The following UBR1 variants were observed in gnomAD, a reference collection of about 807,000 sequenced individuals.
UBR1 encodes E3 ubiquitin-protein ligase UBR1.
Under a neutral mutation model 242.1 loss-of-function variants are expected in UBR1, and 102 were observed. That is an observed-to-expected ratio of 0.42 (90% CI 0.36 to 0.50). The LOEUF (loss-of-function observed/expected upper bound fraction) is 0.50, where lower values mean the gene tolerates loss of function less well. Ranked by LOEUF, UBR1 falls within the 20% of genes least tolerant of loss-of-function variation. The pLI, the probability that UBR1 is intolerant of heterozygous loss-of-function variation, is 0.01. For missense variants in UBR1, 1,772 were observed against 2,101.8 expected, an observed-to-expected ratio of 0.84 and a Z score of 3.07; for synonymous variants, 675 against 684.8, an observed-to-expected ratio of 0.99 and a Z score of 0.22.
chr15:43,080,595 C>T (rs2033964280), intron 3 of UBR1, among the ~76,000 whole-genome samples: 1 of 152,174 alleles, frequency 6.6e-6, no homozygotes, highest in Non-Finnish European at 1.5e-5. Flanking sequence ...CACAGTTTTT[C>T]CATTCACCTA....
intron 20 of UBR1, among the ~76,000 whole-genome samples, chr15:43,030,568 G>A (rs769616048): frequency 1.1e-4 from 17 of 152,178 alleles, no homozygotes; most frequent in Non-Finnish European, 2.1e-4. Context: ...TGTGCTAAAT[G>A]ACAAAACAGT....
Position 43,036,318 on chromosome 15 carries a change from T to C in UBR1, c.2089-39A>G, listed in dbSNP as rs766179282. On this transcript the variant is annotated intron_variant, in intron 18 of 46. Transcript: ENST00000290650. The stretch of plus-strand genomic sequence containing the variant: ...CCAGCATCATATTTCTTCTGTATTA[T>C]ATGGAGAAACATTTTGTCTCATGTA... 14 of 1,558,970 alleles carry C rather than the reference T, an allele frequency of 9.0e-6. No individual in the cohort carries two copies. In the Admixed American group the frequency reaches 1.0e-4, roughly 11 times the overall value.
Position 43,015,681 on chromosome 15 carries a change from ATT to A in UBR1, c.3209+5_3209+6del. 2 of 1,612,426 alleles carry A rather than the reference ATT, an allele frequency of 1.2e-6. No homozygotes were observed. Among genetic ancestry groups the A allele is most frequent in the Non-Finnish European group, 1.7e-6 (2 of 1,179,790 alleles). On this transcript the variant is annotated splice_donor_5th_base_variant and intron_variant, in intron 29 of 46. Coordinates refer to ENST00000290650, the MANE Select transcript of UBR1 (RefSeq NM_174916.3). ...GAGTTGGTAATTTTTGGTTTGCTTT[ATT>A]TTACCTCTCTTCCTCCATAATGGAA...
intron 5 of UBR1, among the ~76,000 whole-genome samples, chr15:43,069,626 T>A (rs1596129013): frequency 6.6e-6 from 1 of 152,310 alleles, no homozygotes; most frequent in East Asian, 1.9e-4. Context: ...TACGCTCAAT[T>A]GATCCTCAAA....
At chr15:43,038,339 T>C in intron 15 of UBR1, 107 bp from the exon 16 acceptor site, 1 of 1,096,034 alleles carries the variant, frequency 9.1e-7, no homozygotes, top group African/African-American at 1.5e-5. Flanking sequence ...CTGGGCGCGG[T>C]GGCTCATGCC....
At chr15:43,081,731 T>C (rs35900502) in intron 3 of UBR1, among the ~76,000 whole-genome samples, 18,784 of 152,142 alleles carry the variant, frequency 0.12, 1,320 homozygotes, top group South Asian at 0.24. Context: ...TTAAGATGTA[T>C]GTTTGGCAAA....
intron 29 of UBR1, among the ~76,000 whole-genome samples, chr15:43,013,096 G>A (rs571224304): frequency 6.6e-6 from 1 of 152,226 alleles, no homozygotes; most frequent in East Asian, 1.9e-4. Flanking sequence ...AGTAGAGACG[G>A]GGTTTTGCCT....
intron 19 of UBR1, among the ~76,000 whole-genome samples, chr15:43,033,182 T>C (rs2033280133): frequency 6.6e-6 from 1 of 151,908 alleles, no homozygotes. Context: ...TGCTCCTGGC[T>C]ATCCCAGAGT....
At chr15:43,088,070 T>A (rs746046739) in intron 1 of UBR1, among the ~76,000 whole-genome samples, 1 of 152,264 alleles carries the variant, frequency 6.6e-6, no homozygotes, top group Non-Finnish European at 1.5e-5. Flanking sequence ...GCGTTCACTG[T>A]GTTAACTTTT....
rs119477054 is a variant in UBR1 at position 43,082,648 on chromosome 15, T to C, written c.407A>G (p.His136Arg). 6.2e-7 allele frequency: 1 copy of C among 1,613,666 alleles called. No homozygotes were observed. Among genetic ancestry groups the C allele is most frequent in the Non-Finnish European group, 8.5e-7 (1 of 1,179,686 alleles). The change falls in exon 3 of 47, where the codon CAT becomes CGT. Residue 136 changes from histidine (H) to arginine (R), a missense_variant. Coordinates refer to ENST00000290650, the MANE Select transcript of UBR1 (RefSeq NM_174916.3). ...DCFQDSVHKN[H>R]RYKMHTSTGG... ...GTTATATTTTCTTACCTTGTAACGA[T>C]GATTTTTATGAACACTGTCCTGGAA...
chr15:43,037,899 T>C lies in UBR1; in HGVS notation c.1912-16A>G. 1 of 1,601,080 alleles carries C rather than the reference T, an allele frequency of 6.2e-7. No homozygotes were observed. The highest frequency in any genetic ancestry group is 8.6e-7 in the Non-Finnish European group (1 of 1,169,496). ...GAAAGTCCTCCTGAAATAGAGTGAG[T>C]TCAATTTTATCATTTCTCACAGAGC... is the stretch of plus-strand genomic sequence containing the variant. On this transcript the variant is annotated splice_polypyrimidine_tract_variant and intron_variant, in intron 16 of 46. Transcript: ENST00000290650.
chr15:43,033,515 GCGCCTGTAATCCCAGCA>G (rs1341155411), intron 19 of UBR1, among the ~76,000 whole-genome samples: 1 of 152,094 alleles, frequency 6.6e-6, no homozygotes, highest in Admixed American at 6.5e-5. Context: ...ATGGTGGCAT[GCGCCTGTAATCCCAGCA>G]CGCCTGTAAT....
chr15:42,990,796 C>A (rs1419237770), intron 33 of UBR1, among the ~76,000 whole-genome samples: 1 of 152,110 alleles, frequency 6.6e-6, no homozygotes, highest in Non-Finnish European at 1.5e-5. Flanking sequence ...AGTAAATGAT[C>A]TGAAGCCAAG....
chr15:43,035,453 T>C (rs920753719), intron 19 of UBR1, among the ~76,000 whole-genome samples: 4 of 152,044 alleles, frequency 2.6e-5, no homozygotes, highest in Non-Finnish European at 4.4e-5. Flanking sequence ...TCATGTCCTT[T>C]GCCCACTTTT....
chr15:43,043,609 C>A (rs1043277052), intron 14 of UBR1, among the ~76,000 whole-genome samples: 1 of 152,048 alleles, frequency 6.6e-6, no homozygotes, highest in Non-Finnish European at 1.5e-5. Flanking sequence ...TGCCACCATG[C>A]CCAGTTTTTG....
chr15:42,946,181 G>A (rs545469007), intron 46 of UBR1, among the ~76,000 whole-genome samples: 5 of 152,056 alleles, frequency 3.3e-5, no homozygotes, highest in East Asian at 3.9e-4. Context: ...CTGGAGTGCC[G>A]TGGTACGATC....
At position 43,037,953 on chromosome 15, in the gene UBR1, C is replaced by CA. The variant is rs552209496; in HGVS notation, c.1912-71dup. The CA allele has an allele frequency of 1.2e-4, 165 of 1,428,834 alleles. No homozygotes were observed. The African/African-American group carries it at 2.1e-3, about 18-fold the overall frequency. 88.5% of individuals were successfully genotyped at this position (1,428,834 alleles called of 1,614,324 possible). ...GATGTGTCTCCAAGTTATGCCACTA[C>CA]ATATTCTTCAGTTTTCTCACGTGAA... On this transcript the variant is annotated intron_variant, in intron 16 of 46. Coordinates refer to ENST00000290650, the MANE Select transcript of UBR1 (RefSeq NM_174916.3).
chr15:42,984,496 T>C (rs552141974), intron 36 of UBR1, among the ~76,000 whole-genome samples: 2 of 152,358 alleles, frequency 1.3e-5, no homozygotes, highest in African/African-American at 4.8e-5. Context: ...CAAGGAGTCA[T>C]GTCTTAATTT....
rs757344571 is a variant in UBR1 at position 43,043,319 on chromosome 15, C to T, written c.1745G>A (p.Ser582Asn). 25 of 1,613,950 alleles carry T rather than the reference C, an allele frequency of 1.5e-5. No homozygotes were observed. The highest frequency in any genetic ancestry group is 2.0e-5 in the Non-Finnish European group (24 of 1,180,012). The change falls in exon 15 of 47, where the codon AGC becomes AAC. Residue 582 changes from serine to asparagine, a missense_variant. Transcript: ENST00000290650. ...MRCSTSFISSSKTVVQSCGHS... is the reference protein window; with the variant it reads ...MRCSTSFISSNKTVVQSCGHS... ...TCCACACGATTGTACTACTGTCTTG[C>T]TACTAGATATGAAACTGGTACTGCA...
Sources: allele counts gnomAD v4.1 joint callset (sites outside exome capture counted in the v4.1 genomes callset), GRCh38; gene constraint gnomAD v4.1.1; transcripts MANE v1.5; gene names NCBI Gene and HGNC (gene_info 2026-07-23, HGNC 2026-07-21).